ETFRF1: variants seen among roughly 807,000 people sequenced by gnomAD.
The protein encoded by ETFRF1 is electron transfer flavoprotein regulatory factor 1.
In ETFRF1, 12 loss-of-function variants were observed where a neutral mutation model predicts 9.0. The ratio of observed to expected loss-of-function variants is 1.34; its 90% CI spans 0.86 to 2.16. ETFRF1 has a LOEUF of 2.16. ETFRF1 is among the 30% of genes most tolerant of loss of function. The pLI, the probability that ETFRF1 is intolerant of heterozygous loss-of-function variation, is 0.00. For missense variants in ETFRF1, 98 were observed against 101.8 expected (o/e 0.96, Z 0.16); for synonymous variants, 34 against 33.2 (o/e 1.02, Z -0.08).
chr12:25,197,942 G>A (rs1170493526), intron 1 of ETFRF1, among the ~76,000 whole-genome samples: 2 of 152,056 alleles, frequency 1.3e-5, no homozygotes, highest in Non-Finnish European at 2.9e-5. Context: ...AAAATAAATT[G>A]GAAAAATGGG....
chr12:25,195,546 C>G, intron 1 of ETFRF1: 1 of 230,970 alleles, frequency 4.3e-6, no homozygotes, highest in African/African-American at 2.3e-5. Context: ...ATGCAGCGGA[C>G]ACCCGGTGGG....
chr12:25,203,109 G>A (rs896369338), intron 1 of ETFRF1, among the ~76,000 whole-genome samples: 1 of 152,150 alleles, frequency 6.6e-6, no homozygotes. Flanking sequence ...CATTAATTGG[G>A]TAATCAAAGT....
chr12:25,200,772 C>G (rs943905046), intron 1 of ETFRF1, among the ~76,000 whole-genome samples: 4 of 152,104 alleles, frequency 2.6e-5, no homozygotes, highest in African/African-American at 9.7e-5. Flanking sequence ...GGAAATGGAA[C>G]ACTTTGGAAT....
chr12:25,195,549 C>G (rs976537161), intron 1 of ETFRF1: 2 of 221,256 alleles, frequency 9.0e-6, no homozygotes, highest in Admixed American at 5.6e-5. Context: ...CAGCGGACAC[C>G]CGGTGGGAGG....
intron 1 of ETFRF1, among the ~76,000 whole-genome samples, chr12:25,201,340 G>C (rs1265864784): frequency 6.6e-6 from 1 of 152,150 alleles, no homozygotes. Flanking sequence ...AGCCAGACTA[G>C]GGCTGTTTGG....
chr12:25,198,748 T>A (rs542618952), intron 1 of ETFRF1, among the ~76,000 whole-genome samples: 1 of 152,328 alleles, frequency 6.6e-6, no homozygotes, highest in East Asian at 1.9e-4. Flanking sequence ...GTAGAAGTAT[T>A]TTTTTCCCTA....
In ETFRF1 at chr12:25,195,347, T is replaced by TGCC; in HGVS notation, c.-38+18_-38+20dup. On this transcript the variant is annotated intron_variant, in intron 1 of 2. Transcript: ENST00000381356. ...TCCGGCGTGCCGGAAAGTGCGTGAG[T>TGCC]GCCGCCGCCGGGGAGTTTTGTTCCA... is the stretch of plus-strand genomic sequence containing the variant. 1.7e-6 allele frequency: 1 copy of TGCC among 595,970 alleles called. No individual in the cohort carries two copies. Among genetic ancestry groups the TGCC allele is most frequent in the East Asian group, 2.8e-5 (1 of 35,888 alleles). The allele number at this position is 595,970 out of a possible 1,614,324, so 36.9% of individuals were successfully genotyped here.
At chr12:25,202,401 C>T (rs558913931) in intron 1 of ETFRF1, among the ~76,000 whole-genome samples, 2,111 of 151,768 alleles carry the variant, frequency 0.014, 51 homozygotes, top group African/African-American at 0.049. Context: ...AGGAGGGCCT[C>T]TGGGGGTAGG....
chr12:25,204,987 A>G lies in ETFRF1; in HGVS notation c.*675A>G, dbSNP rs529847927. 9.3e-5 allele frequency: 19 copies of G among 204,388 alleles called. No homozygotes were observed. The South Asian group carries it at 3.0e-3, about 33-fold the overall frequency. The allele number at this position is 204,388 out of a possible 1,614,324, so 12.7% of individuals were successfully genotyped here. A position where few individuals can be genotyped will look rare whatever the true frequency, so the allele number is the denominator to read the frequency against. On this transcript the variant is annotated 3_prime_UTR_variant, in exon 3 of 3. Coordinates refer to ENST00000381356, the MANE Select transcript of ETFRF1 (RefSeq NM_001001660.3). Reference sequence around the variant, plus strand: ...TGTGTATCAATTACCTTCTTTGATAAAAGGAAATAAATAAATAATGTTATC... The same window carrying G: ...TGTGTATCAATTACCTTCTTTGATAGAAGGAAATAAATAAATAATGTTATC...
At chr12:25,195,421 C>T (rs1950966507) in intron 1 of ETFRF1, 84 bp downstream of exon 1, 1 of 507,860 alleles carries the variant, frequency 2.0e-6, no homozygotes, top group Non-Finnish European at 3.6e-6. Context: ...GGGCGAGGAC[C>T]ACCGGGTGTG....
intron 1 of ETFRF1, among the ~76,000 whole-genome samples, chr12:25,201,421 T>G (rs906789906): frequency 1.2e-4 from 19 of 152,120 alleles, no homozygotes; most frequent in Non-Finnish European, 2.2e-4. Context: ...TTGCCAAAAT[T>G]AAATATTTAG....
chr12:25,200,822 G>A lies in ETFRF1; in HGVS notation c.-37-3098G>A, dbSNP rs565287412. Among the ~76,000 whole-genome samples the A allele has an allele frequency of 1.2e-3, 185 of 152,310 alleles. 1 individual carries two copies. Among genetic ancestry groups the A allele is most frequent in the Middle Eastern group, 3.4e-3 (1 of 294 alleles). Reference sequence around the variant, plus strand: ...AATCAACATAGAGGATAGGCAAGAGGAATTTCTGGGAGCATGGTCAAGTAG... The same window carrying A: ...AATCAACATAGAGGATAGGCAAGAGAAATTTCTGGGAGCATGGTCAAGTAG... On this transcript the variant is annotated intron_variant, in intron 1 of 2. Coordinates refer to ENST00000381356, the MANE Select transcript of ETFRF1 (RefSeq NM_001001660.3).
intron 1 of ETFRF1, among the ~76,000 whole-genome samples, chr12:25,202,517 C>T (rs1951083402): frequency 6.6e-6 from 1 of 151,850 alleles, no homozygotes; most frequent in Non-Finnish European, 1.5e-5. Flanking sequence ...GTGAGCCTTA[C>T]CCAGGAGGGA....
At chr12:25,202,644 C>G (rs1475360614) in intron 1 of ETFRF1, among the ~76,000 whole-genome samples, 3 of 152,028 alleles carry the variant, frequency 2.0e-5, no homozygotes, top group Admixed American at 6.5e-5. Context: ...GGTGGCAGAG[C>G]TCAGAGAGTA....
intron 1 of ETFRF1, among the ~76,000 whole-genome samples, chr12:25,196,897 G>A (rs1951026780): frequency 1.3e-5 from 2 of 152,206 alleles, no homozygotes; most frequent in South Asian, 4.1e-4. Context: ...GCTCACGCCT[G>A]TAATCCCAGC....
At chr12:25,196,890 C>T (rs1477058228) in intron 1 of ETFRF1, among the ~76,000 whole-genome samples, 1 of 152,212 alleles carries the variant, frequency 6.6e-6, no homozygotes, top group Non-Finnish European at 1.5e-5. Context: ...TGTGGTGGCT[C>T]ACGCCTGTAA....
rs1951117234 is a variant in ETFRF1 at position 25,204,899 on chromosome 12, T to G, written c.*587T>G. The G allele has an allele frequency of 5.0e-6, 1 of 199,716 alleles. No homozygotes were observed. Among genetic ancestry groups the G allele is most frequent in the Non-Finnish European group, 1.0e-5 (1 of 96,280 alleles). The allele number at this position is 199,716 out of a possible 1,614,324, so 12.4% of individuals were successfully genotyped here. On this transcript the variant is annotated 3_prime_UTR_variant, in exon 3 of 3. Transcript: ENST00000381356. ...TGGCATTAACATACATAACTAACTATTCAATTATTTCCATTATTAATGTTG... is the reference window on the plus strand; with the variant it reads ...TGGCATTAACATACATAACTAACTAGTCAATTATTTCCATTATTAATGTTG...
intron 1 of ETFRF1, among the ~76,000 whole-genome samples, chr12:25,201,990 G>A (rs1451419292): frequency 6.8e-6 from 1 of 146,950 alleles, no homozygotes; most frequent in African/African-American, 2.5e-5. Context: ...GGAGGCCAAG[G>A]TGGGTGGATC....
At chr12:25,203,141 T>G (rs779672371) in intron 1 of ETFRF1, among the ~76,000 whole-genome samples, 2 of 152,208 alleles carry the variant, frequency 1.3e-5, no homozygotes, top group East Asian at 3.9e-4. Flanking sequence ...ATGGAACAAA[T>G]TGCAGTTGCA....
Sources: allele counts gnomAD v4.1 joint callset (sites outside exome capture counted in the v4.1 genomes callset), GRCh38; gene constraint gnomAD v4.1.1; transcripts MANE v1.5; gene names NCBI Gene and HGNC (gene_info 2026-07-23, HGNC 2026-07-21).